Variants in UMODL1 observed in about 807,000 individuals in gnomAD.
UMODL1 encodes uromodulin like 1, also known as uromodulin-like 1.
A neutral mutation model predicts 136.3 loss-of-function variants in UMODL1; 128 were observed. The observed-to-expected ratio is 0.94, with a 90% CI of 0.81 to 1.09. UMODL1 has a LOEUF of 1.09. UMODL1 is among the 50% of genes least tolerant of loss of function. The pLI is 0.00. For synonymous variants in UMODL1, 721 were observed against 720.0 expected (o/e 1.00, Z -0.02); for missense variants, 1,766 against 1,725.6 (o/e 1.02, Z -0.41).
Position 42,137,502 on chromosome 21 carries a change from T to A in UMODL1, c.3839T>A (p.Ile1280Asn), listed in dbSNP as rs761040251. The A allele has an allele frequency of 6.2e-7, 1 of 1,614,248 alleles. No individual in the cohort carries two copies. The highest frequency in any genetic ancestry group is 2.2e-5 in the East Asian group (1 of 44,882). ...TATGTGGTCCTTATTGTGGTGGCCA[T>A]CTTCGTGCTGGTGGCGGGAACAGCC... is the stretch of plus-strand genomic sequence containing the variant. ...AGYVVLIVVA[I>N]FVLVAGTATL... Residue 1280 changes from isoleucine (I) to asparagine (N), a missense_variant, in exon 22 of 23, where the codon ATC becomes AAC. Coordinates refer to ENST00000408910, the MANE Select transcript of UMODL1 (RefSeq NM_001004416.3).
chr21:42,118,978 C>T, intron 14 of UMODL1, 133 bp from the exon 15 acceptor site: 4 of 844,040 alleles, frequency 4.7e-6, no homozygotes, highest in South Asian at 3.5e-5. Flanking sequence ...GGGCCCAGAA[C>T]CAACCTGTGG....
At chr21:42,095,383 C>T (rs895880243) in intron 6 of UMODL1, among the ~76,000 whole-genome samples, 2 of 152,106 alleles carry the variant, frequency 1.3e-5, no homozygotes, top group South Asian at 2.1e-4. Flanking sequence ...ATGTGAGCCA[C>T]CACGCCCAGC....
At chr21:42,082,652 C>T (rs220299) in intron 2 of UMODL1, among the ~76,000 whole-genome samples, 88,229 of 151,964 alleles carry the variant, frequency 0.58, 26,857 homozygotes, top group Non-Finnish European at 0.67. Flanking sequence ...AGCCTCGTCC[C>T]GGAGCTCCCA....
chr21:42,139,593 G>A (rs954741725), intron 22 of UMODL1, among the ~76,000 whole-genome samples: 4 of 152,050 alleles, frequency 2.6e-5, no homozygotes, highest in East Asian at 1.9e-4. Flanking sequence ...AAGGAAAGAC[G>A]AGAGGCCAAT....
At position 42,089,923 on chromosome 21, in the gene UMODL1, G is replaced by A. The variant is rs552139187; in HGVS notation, c.791-375G>A. 5.3e-5 allele frequency among the ~76,000 whole-genome samples: 8 copies of A among 152,306 alleles called. No homozygotes were observed. In the South Asian group the frequency reaches 8.3e-4, roughly 16 times the overall value. On this transcript the variant is annotated intron_variant, in intron 5 of 22. Transcript: ENST00000408910. ...CTCAGAACGTCAGGGGTGGCTCTGG[G>A]TTTCCTTGTTGGCGCAGAAAACACC...
chr21:42,077,561 AG>A (rs2066309709), intron 2 of UMODL1, among the ~76,000 whole-genome samples: 1 of 152,272 alleles, frequency 6.6e-6, no homozygotes, highest in Admixed American at 6.5e-5. Flanking sequence ...GACTATTACA[AG>A]GTGATAGACA....
chr21:42,127,906 T>C, intron 20 of UMODL1, 75 bp downstream of exon 20: 1 of 1,598,688 alleles, frequency 6.3e-7, no homozygotes, highest in African/African-American at 1.3e-5. Flanking sequence ...GCTCTGTTAA[T>C]AAAAACCTAG....
At chr21:42,092,045 G>A (rs1251911803) in intron 6 of UMODL1, among the ~76,000 whole-genome samples, 5 of 152,224 alleles carry the variant, frequency 3.3e-5, no homozygotes, top group Admixed American at 6.5e-5. Flanking sequence ...GCGAGCAAGC[G>A]GTAAGCTGGC....
chr21:42,095,718 C>T (rs938164521), intron 6 of UMODL1, among the ~76,000 whole-genome samples: 20 of 152,180 alleles, frequency 1.3e-4, no homozygotes, highest in Non-Finnish European at 1.5e-5. Context: ...GGCAAGTGAA[C>T]TTTGCTATTT....
intron 10 of UMODL1, among the ~76,000 whole-genome samples, chr21:42,110,249 C>G (rs934427224): frequency 6.6e-6 from 1 of 152,198 alleles, no homozygotes; most frequent in Admixed American, 6.5e-5. Context: ...CAGGAGGAGG[C>G]CACGTAGGGA....
At chr21:42,103,673 C>T (rs1436450036) in intron 8 of UMODL1, 195 bp from the exon 9 acceptor site, 7 of 722,888 alleles carry the variant, frequency 9.7e-6, no homozygotes, top group South Asian at 3.0e-5. Flanking sequence ...CAGGCCCGGC[C>T]GTCCCAGGGA....
intron 12 of UMODL1, among the ~76,000 whole-genome samples, chr21:42,112,488 A>ATCTCCCCAGCTGCTCTGTT (rs2066847511): frequency 6.7e-6 from 1 of 149,304 alleles, no homozygotes; most frequent in Non-Finnish European, 1.5e-5. Flanking sequence ...GCTGCTCTGT[A>ATCTCCCCAGCTGCTCTGTT]TCTGTCCAGC....
At chr21:42,111,151 G>A (rs2066818417) in intron 11 of UMODL1, 30 bp downstream of exon 11, 1 of 1,590,870 alleles carries the variant, frequency 6.3e-7, no homozygotes, top group South Asian at 1.1e-5. Flanking sequence ...GTCTGGGGAT[G>A]GACCAGGGGA....
chr21:42,138,850 C>T (rs555527736), intron 22 of UMODL1, among the ~76,000 whole-genome samples: 1 of 152,190 alleles, frequency 6.6e-6, no homozygotes, highest in Non-Finnish European at 1.5e-5. Context: ...GCTGGGATTA[C>T]AGGCGTGAGC....
chr21:42,069,877 A>G (rs1445074396), upstream of UMODL1, among the ~76,000 whole-genome samples: 3 of 151,314 alleles, frequency 2.0e-5, no homozygotes, highest in South Asian at 2.1e-4. Context: ...TTCCTTGAGT[A>G]TTATATAATA....
chr21:42,142,024 C>T (rs930298951), intron 22 of UMODL1, 72 bp from the exon 23 acceptor site: 1 of 152,300 alleles, frequency 6.6e-6, no homozygotes, highest in Non-Finnish European at 1.5e-5. Flanking sequence ...TACCCCTCCT[C>T]CTGGGGTTTT....
chr21:42,102,081 C>A, intron 7 of UMODL1, 85 bp from the exon 8 acceptor site: 1 of 1,039,434 alleles, frequency 9.6e-7, no homozygotes, highest in Non-Finnish European at 1.4e-6. Context: ...AATTATCCCG[C>A]CAAAGAGTAG....
chr21:42,110,986 G>A lies in UMODL1; in HGVS notation c.1764G>A (p.Leu588=). ...CCCTCGGCCTAGAGAACTTCACCTT[G>A]TCACCCAGTCCTGGGTACCCTCAGG... ...TAALGLENFT[L]SPSPGYPQGT... is the part of the protein sequence containing the mutation. The change falls in exon 11 of 23, where the codon TTG becomes TTA. Residue 588 remains leucine, a synonymous_variant. Transcript: ENST00000408910. The A allele has an allele frequency of 6.2e-7, 1 of 1,612,998 alleles. No homozygotes were observed.
At chr21:42,100,411 T>A (rs1451328555) in intron 7 of UMODL1, among the ~76,000 whole-genome samples, 5 of 151,944 alleles carry the variant, frequency 3.3e-5, no homozygotes, top group African/African-American at 1.2e-4. Context: ...CTTTTCAAAC[T>A]GATTTGGGGC....
Sources: gnomAD v4.1 joint callset for allele counts (sites outside exome capture counted in the v4.1 genomes callset) on GRCh38, gnomAD v4.1.1 for gene constraint, MANE v1.5 for transcripts, NCBI Gene and HGNC (gene_info 2026-07-23, HGNC 2026-07-21) for gene names.